TARBP2: variants seen among roughly 807,000 people sequenced by gnomAD.
The protein encoded by TARBP2 is RISC-loading complex subunit TARBP2.
In TARBP2, 23 loss-of-function variants were observed where a neutral mutation model predicts 40.4. The observed-to-expected ratio is 0.57, with a 90% CI of 0.41 to 0.81. The LOEUF (loss-of-function observed/expected upper bound fraction) is 0.81. Ranked by LOEUF, TARBP2 falls within the 30% of genes least tolerant of loss-of-function variation. The probability of loss-of-function intolerance (pLI) is 0.00; values close to 1 mark genes in which losing one functional copy is unlikely to be tolerated. For missense variants in TARBP2, 358 were observed against 473.7 expected (o/e 0.76, Z 2.27); for synonymous variants, 183 against 190.5 (o/e 0.96, Z 0.32).
Position 53,506,188 on chromosome 12 carries a change from T to G in TARBP2, c.*40T>G, listed in dbSNP as rs1409223430. 6.3e-7 allele frequency: 1 copy of G among 1,597,490 alleles called. No homozygotes were observed. The highest frequency in any genetic ancestry group is 1.1e-5 in the South Asian group (1 of 89,790). On this transcript the variant is annotated 3_prime_UTR_variant, in exon 9 of 9. Transcript: ENST00000266987. ...TCATGGATGTGCACCCTTTGCTCCC[T>G]GCTCTTTCTGCCTCTGGGCTCATGT...
Position 53,505,246 on chromosome 12 carries a change from A to T in TARBP2, c.725A>T (p.Asp242Val), listed in dbSNP as rs756301639. ...GATGGCAATGAGGTGGAGCCTGATG[A>T]TGACCACTTCTCCATTGTGAGTGGC... ...ARDGNEVEPD[D>V]DHFSIGVGSR... Residue 242 changes from aspartate (D) to valine (V), a missense_variant, in exon 7 of 9, where the codon GAT (aspartate) becomes GTT (valine). Transcript: ENST00000266987. This position sits in a 1 kb window ranked among gnomAD's most constrained non-coding sequence, Gnocchi z 4.5. 1 of 1,601,376 alleles carries T rather than the reference A, an allele frequency of 6.2e-7. No individual in the cohort carries two copies.
chr12:53,501,550 T>A, intron 1 of TARBP2, 89 bp downstream of exon 1: 1 of 1,531,012 alleles, frequency 6.5e-7, no homozygotes, highest in Non-Finnish European at 8.8e-7. Flanking sequence ...GCACCTGGCC[T>A]GAGGGTTGTT....
At chr12:53,504,669 C>T in intron 5 of TARBP2, 29 bp from the exon 6 acceptor site, 2 of 1,614,158 alleles carry the variant, frequency 1.2e-6, no homozygotes, top group Non-Finnish European at 1.7e-6. Flanking sequence ...TTTCACTCAG[C>T]CTCATGCACC....
Position 53,503,028 on chromosome 12 carries a change from T to G in TARBP2, c.225T>G (p.Gly75=). ...RVTVGDTSCT[G]QGPSKKAAKH... ...TATTGCCCATGCCCCCTCTCTCAGG[T>G]CAGGGCCCCAGCAAGAAGGCAGCCA... Residue 75 remains glycine (G), a splice_region_variant and synonymous_variant, in exon 3 of 9, where the codon GGT becomes GGG. Transcript: ENST00000266987. 1 of 1,549,706 alleles carries G rather than the reference T, an allele frequency of 6.5e-7. No homozygotes were observed. The highest frequency in any genetic ancestry group is 8.7e-7 in the Non-Finnish European group (1 of 1,145,950).
chr12:53,503,691 A>C, intron 3 of TARBP2, 22 bp from the exon 4 acceptor site: 2 of 1,587,144 alleles, frequency 1.3e-6, no homozygotes, highest in Non-Finnish European at 1.7e-6. Context: ...TGTGAATCAA[A>C]GGCCCCCTTC....
In TARBP2 at chr12:53,502,153, C is replaced by T. The variant is rs755169835; in HGVS notation, c.192C>T (p.Phe64=). The change falls in exon 2 of 9, where the codon TTC becomes TTT. Residue 64 remains phenylalanine, a synonymous_variant. Coordinates refer to ENST00000266987, the MANE Select transcript of TARBP2 (RefSeq NM_134323.2). The stretch of plus-strand genomic sequence containing the variant: ...AAGCCCACCAGCCTAATTTCACCTT[C>T]CGGGTCACCGTTGGCGACACCAGCT... The part of the protein sequence containing the change: ...EGQAHQPNFT[F]RVTVGDTSCT... 6.2e-6 allele frequency: 10 copies of T among 1,614,120 alleles called. No individual in the cohort carries two copies. The highest frequency in any genetic ancestry group is 8.5e-6 in the Non-Finnish European group (10 of 1,180,046).
rs1017529442 is a variant in TARBP2 at position 53,504,701 on chromosome 12, C to G, written c.499C>G (p.Leu167Val). The G allele has an allele frequency of 6.2e-7, 1 of 1,614,176 alleles. No homozygotes were observed. The highest frequency in any genetic ancestry group is 8.5e-7 in the Non-Finnish European group (1 of 1,180,042). The change falls in exon 6 of 9, where the codon CTG (leucine) becomes GTG (valine). Residue 167 changes from leucine to valine, a missense_variant. By Grantham distance (32) the Leu-to-Val change is conservative (BLOSUM62 1). Coordinates refer to ENST00000266987, the MANE Select transcript of TARBP2 (RefSeq NM_134323.2). ...CACCCTGTGTCTCCCTTCCAAGGAG[C>G]TGGTGGTGCAGAAAGGCTGGCGGTT... ...ECNPVGALQE[L>V]VVQKGWRLPE... is the part of the protein sequence containing the mutation.
At chr12:53,504,102 G>C in intron 4 of TARBP2, 1 of 569,016 alleles carries the variant, frequency 1.8e-6, no homozygotes, top group East Asian at 2.9e-5. Context: ...AGGCCCATCA[G>C]GCACTTCTGG....
Position 53,506,214 on chromosome 12 carries a change from A to G in TARBP2, c.*66A>G, listed in dbSNP as rs1433367946. 6.4e-7 allele frequency: 1 copy of G among 1,563,952 alleles called. No individual in the cohort carries two copies. The highest frequency in any genetic ancestry group is 8.7e-7 in the Non-Finnish European group (1 of 1,153,238). Reference sequence around the variant, plus strand: ...GCTCTTTCTGCCTCTGGGCTCATGTATCTGCGCAGCTCTGGTACCCTCTGT... The same window carrying G: ...GCTCTTTCTGCCTCTGGGCTCATGTGTCTGCGCAGCTCTGGTACCCTCTGT... On this transcript the variant is annotated 3_prime_UTR_variant, in exon 9 of 9. Coordinates refer to ENST00000266987, the MANE Select transcript of TARBP2 (RefSeq NM_134323.2).
At chr12:53,504,637 A>G (rs534796545) in intron 5 of TARBP2, 61 bp from the exon 6 acceptor site, 2 of 1,613,786 alleles carry the variant, frequency 1.2e-6, no homozygotes, top group African/African-American at 2.7e-5. Context: ...CGTGGGGACC[A>G]GCGTGGGTGT....
Position 53,501,508 on chromosome 12 carries a change from G to A in TARBP2, c.53+47G>A, listed in dbSNP as rs1337503945. ...CCTTCAGGGCGAAAAGCGTGGGGCC[G>A]TGCGGAGGGAGTAGCGGCGCGGCCC... On this transcript the variant is annotated intron_variant, in intron 1 of 8. Coordinates refer to ENST00000266987, the MANE Select transcript of TARBP2 (RefSeq NM_134323.2). The A allele has an allele frequency of 1.9e-6, 3 of 1,551,838 alleles. No homozygotes were observed. In the East Asian group the frequency reaches 7.3e-5, roughly 38 times the overall value.
chr12:53,503,286 C>T, intron 3 of TARBP2, 157 bp downstream of exon 3: 1 of 1,393,906 alleles, frequency 7.2e-7, no homozygotes. Flanking sequence ...TCCAGGGCTT[C>T]TGCTGCTATG....
At chr12:53,501,777 G>GTT in intron 1 of TARBP2, 1 of 1,373,818 alleles carries the variant, frequency 7.3e-7, no homozygotes, top group Non-Finnish European at 9.6e-7. Context: ...TGGGGCACAG[G>GTT]ATCGTGCCCA....
chr12:53,504,201 C>T, intron 4 of TARBP2, 196 bp from the exon 5 acceptor site: 2 of 578,398 alleles, frequency 3.5e-6, no homozygotes, highest in Admixed American at 3.5e-5. Flanking sequence ...CTGGAGAAGG[C>T]CTCCCTTGAG....
chr12:53,505,910 G>A lies in TARBP2; in HGVS notation c.943+60G>A. ...GGGGGCTGGACCGGAGCAAGTAGAA[G>A]GGGGTGATGATAACGTGAACGCACC... On this transcript the variant is annotated intron_variant, in intron 8 of 8. Coordinates refer to ENST00000266987, the MANE Select transcript of TARBP2 (RefSeq NM_134323.2). The surrounding 1 kb of genome is among the most constrained non-coding windows in gnomAD (Gnocchi z 4.5). 1 of 1,605,372 alleles carries A rather than the reference G, an allele frequency of 6.2e-7. No homozygotes were observed. Among genetic ancestry groups the A allele is most frequent in the Non-Finnish European group, 8.5e-7 (1 of 1,173,174 alleles).
chr12:53,506,331 C>G lies in TARBP2; in HGVS notation c.*183C>G, dbSNP rs1459687847. 1 of 695,794 alleles carries G rather than the reference C, an allele frequency of 1.4e-6. No homozygotes were observed. Among genetic ancestry groups the G allele is most frequent in the African/African-American group, 1.8e-5 (1 of 55,722 alleles). The allele number at this position is 695,794 out of a possible 1,614,324, so 43.1% of individuals were successfully genotyped here. A position where few individuals can be genotyped will look rare whatever the true frequency, so the allele number is the denominator to read the frequency against. ...CAAGGACCACAGAGCCTCAGCCAGC[C>G]CAGGATCCGTCCTCATTTTATTGGT... On this transcript the variant is annotated 3_prime_UTR_variant, in exon 9 of 9. Transcript: ENST00000266987.
In TARBP2 at chr12:53,503,770, A is replaced by G; in HGVS notation, c.384A>G (p.Ala128=). 1.2e-6 allele frequency: 2 copies of G among 1,614,116 alleles called. No individual in the cohort carries two copies. Among genetic ancestry groups the G allele is most frequent in the African/African-American group, 1.3e-5 (1 of 75,012 alleles). ...AGGACATTCCGGTTTTTACTGCTGCAGCAGCTGCTACCCCAGTTCCATCTG... is the reference window on the plus strand; with the variant it reads ...AGGACATTCCGGTTTTTACTGCTGCGGCAGCTGCTACCCCAGTTCCATCTG... ...LPEDIPVFTA[A]AAATPVPSVV... is the part of the protein sequence containing the mutation. The change falls in exon 4 of 9, where the codon GCA becomes GCG. Residue 128 remains alanine (A), a synonymous_variant. Coordinates refer to ENST00000266987, the MANE Select transcript of TARBP2 (RefSeq NM_134323.2).
intron 4 of TARBP2, chr12:53,504,091 G>C: frequency 1.7e-6 from 1 of 572,212 alleles, no homozygotes; most frequent in South Asian, 2.3e-5. Flanking sequence ...TTCTGTGTTT[G>C]AGGCCCATCA....
At chr12:53,501,226 T>G (rs1943684862), upstream of TARBP2, 1 of 644,708 alleles carries the variant, frequency 1.6e-6, no homozygotes, top group South Asian at 1.9e-5. Context: ...GTGGGGCGGA[T>G]AGCTCCCCTC....
Sources: allele counts gnomAD v4.1 joint callset, GRCh38; gene constraint gnomAD v4.1.1; non-coding constraint Gnocchi (gnomAD v3.1); transcripts MANE v1.5; gene names NCBI Gene and HGNC (gene_info 2026-07-23, HGNC 2026-07-21).